Variants in RTN4 observed in about 807,000 individuals in gnomAD.
RTN4 encodes reticulon 4, also known as reticulon-4.
RTN4 carries 32 observed loss-of-function variants against 90.4 expected under a neutral mutation model. That is an observed-to-expected ratio of 0.35 (90% CI 0.27 to 0.48). The LOEUF (loss-of-function observed/expected upper bound fraction) is 0.48, where lower values mean the gene tolerates loss of function less well. Ranked by LOEUF, RTN4 falls within the 20% of genes least tolerant of loss-of-function variation. RTN4 has a pLI of 0.99. For missense variants in RTN4, 1,706 were observed against 1,430.2 expected (o/e 1.19, Z -3.11); for synonymous variants, 629 against 552.5 (o/e 1.14, Z -1.94).
At chr2:55,089,310 T>G (rs908918176) in intron 1 of RTN4, among the ~76,000 whole-genome samples, 22 of 152,200 alleles carry the variant, frequency 1.4e-4, no homozygotes, top group African/African-American at 5.3e-4. Flanking sequence ...TCAGTATGAA[T>G]GCTAAAAATC....
At chr2:55,077,297 G>A (rs1380979873) in intron 2 of RTN4, among the ~76,000 whole-genome samples, 1 of 152,144 alleles carries the variant, frequency 6.6e-6, no homozygotes, top group East Asian at 1.9e-4. Flanking sequence ...ACAGGCGTGA[G>A]CCACCACACC....
At chr2:55,107,677 G>C (rs997323737) in intron 1 of RTN4, among the ~76,000 whole-genome samples, 2 of 152,026 alleles carry the variant, frequency 1.3e-5, no homozygotes, top group Non-Finnish European at 2.9e-5. Flanking sequence ...GTCAGGCTCT[G>C]GGTAGATAAA....
Position 55,050,397 on chromosome 2 carries a change from G to T in RTN4, c.-97C>A. 1.5e-6 allele frequency: 1 copy of T among 687,424 alleles called. No homozygotes were observed. Among genetic ancestry groups the T allele is most frequent in the Non-Finnish European group, 2.2e-6 (1 of 460,202 alleles). 42.6% of individuals were successfully genotyped at this position (687,424 alleles called of 1,614,324 possible). ...TTGTGGGGGTTGGGGAGGACTGAGA[G>T]GGGCTGGGCCGACTGAGCCGAGGGA... is the stretch of plus-strand genomic sequence containing the variant. On this transcript the variant is annotated 5_prime_UTR_variant, in exon 1 of 9. Transcript: ENST00000337526. The surrounding 1 kb of genome is among the most constrained non-coding windows in gnomAD (Gnocchi z 4.6).
chr2:55,115,827 AACT>A (rs1668114911), upstream of RTN4, among the ~76,000 whole-genome samples: 1 of 152,152 alleles, frequency 6.6e-6, no homozygotes, highest in African/African-American at 2.4e-5. Context: ...GCTGCTATGA[AACT>A]ACTACCTCCT....
chr2:55,071,543 CAA>C (rs71410418), intron 2 of RTN4, among the ~76,000 whole-genome samples: 13,012 of 99,334 alleles, frequency 0.13, 650 homozygotes, highest in African/African-American at 0.27. Flanking sequence ...CATTTGCCAT[CAA>C]AAAAAAAAAA....
rs763566261 is a variant in RTN4, at chr2:55,026,348, T to C, written c.1751A>G (p.Glu584Gly). Residue 584 changes from glutamate (E) to glycine (G), a missense_variant, in exon 3 of 9, where the codon GAA becomes GGA. Transcript: ENST00000337526. ...AGGATAGAGTGACTCTTGCATAACT[T>C]CTGATGTTTGAACCAAGTCCATTTT... ...ETKMDLVQTS[E>G]VMQESLYPAA... The C allele has an allele frequency of 6.2e-7, 1 of 1,613,946 alleles. No individual in the cohort carries two copies. The highest frequency in any genetic ancestry group is 8.5e-7 in the Non-Finnish European group (1 of 1,179,910).
chr2:55,125,508 A>G, the RTN4 span, among the ~76,000 whole-genome samples: 2 of 152,236 alleles, frequency 1.3e-5, no homozygotes, highest in Non-Finnish European at 2.9e-5. Flanking sequence ...GCTCACGCCC[A>G]TAATCCCAAC....
At chr2:55,045,844 C>T (rs887478083) in intron 1 of RTN4, among the ~76,000 whole-genome samples, 2 of 152,122 alleles carry the variant, frequency 1.3e-5, no homozygotes, top group Non-Finnish European at 2.9e-5. Flanking sequence ...GAGACCAGTT[C>T]GAAGTCACCC....
intron 1 of RTN4, among the ~76,000 whole-genome samples, chr2:55,110,760 G>T (rs538769200): frequency 9.6e-4 from 146 of 152,296 alleles, no homozygotes; most frequent in African/African-American, 3.1e-3. Flanking sequence ...TCTACGCCAG[G>T]CCAGGCACGG....
chr2:55,059,342 G>T (rs562460662), intron 2 of RTN4, among the ~76,000 whole-genome samples: 31 of 151,070 alleles, frequency 2.1e-4, no homozygotes, highest in Non-Finnish European at 3.2e-4. Flanking sequence ...AATACATATA[G>T]TAGAAATTTA....
upstream of RTN4, among the ~76,000 whole-genome samples, chr2:55,052,337 G>C (rs2104991613): frequency 6.6e-6 from 1 of 152,260 alleles, no homozygotes; most frequent in Non-Finnish European, 1.5e-5. Context: ...TGGGAACTCT[G>C]TACTTCCTGT....
intron 1 of RTN4, among the ~76,000 whole-genome samples, chr2:55,110,218 G>A (rs191415683): frequency 6.6e-6 from 1 of 151,992 alleles, no homozygotes; most frequent in African/African-American, 2.4e-5. Context: ...GGCTGAGGTG[G>A]GAGGATTGCT....
At chr2:54,979,699 T>G (rs1677963601) in intron 5 of RTN4, among the ~76,000 whole-genome samples, 1 of 152,222 alleles carries the variant, frequency 6.6e-6, no homozygotes, top group Admixed American at 6.5e-5. Flanking sequence ...GCACCTGAAT[T>G]ACCAAGGGCT....
At chr2:55,127,942 C>G in the RTN4 span, among the ~76,000 whole-genome samples, 1 of 151,732 alleles carries the variant, frequency 6.6e-6, no homozygotes, top group East Asian at 1.9e-4. Flanking sequence ...CACAGGGTCT[C>G]CCTCTGTTCC....
intron 3 of RTN4, chr2:55,010,350 T>C (rs778811146): frequency 8.9e-6 from 12 of 1,345,860 alleles, no homozygotes; most frequent in Non-Finnish European, 1.1e-5. Context: ...TACTCCAGCA[T>C]TAATGCTTTC....
At chr2:55,106,159 G>C (rs764693339) in intron 1 of RTN4, among the ~76,000 whole-genome samples, 10 of 152,022 alleles carry the variant, frequency 6.6e-5, no homozygotes, top group Non-Finnish European at 1.5e-4. Flanking sequence ...ATAAGCTAGA[G>C]ATCCAAAGCC....
At chr2:54,989,939 A>G (rs2104687529) in intron 3 of RTN4, among the ~76,000 whole-genome samples, 1 of 152,284 alleles carries the variant, frequency 6.6e-6, no homozygotes, top group African/African-American at 2.4e-5. Flanking sequence ...GGGAGTGATG[A>G]TAAAGACAGC....
chr2:54,996,604 A>G (rs1679445927), intron 3 of RTN4, among the ~76,000 whole-genome samples: 2 of 152,260 alleles, frequency 1.3e-5, no homozygotes, highest in Non-Finnish European at 2.9e-5. Flanking sequence ...TCTTTTAAAC[A>G]AATGGTGCTA....
At chr2:54,981,901 G>A (rs892848659) in intron 5 of RTN4, among the ~76,000 whole-genome samples, 18 of 151,760 alleles carry the variant, frequency 1.2e-4, no homozygotes, top group African/African-American at 4.1e-4. Flanking sequence ...TCAAAATTCC[G>A]ATTAATTTCC....
Sources: gnomAD v4.1 joint callset for allele counts (sites outside exome capture counted in the v4.1 genomes callset) on GRCh38, gnomAD v4.1.1 for gene constraint, Gnocchi (gnomAD v3.1) non-coding constraint, MANE v1.5 for transcripts, NCBI Gene and HGNC (gene_info 2026-07-23, HGNC 2026-07-21) for gene names.